MMADHC: variants seen among roughly 807,000 people sequenced by gnomAD.
MMADHC encodes metabolism of cobalamin associated D.
A neutral mutation model predicts 36.3 loss-of-function variants in MMADHC; 23 were observed. That is an observed-to-expected ratio of 0.63 (90% CI 0.46 to 0.90). The LOEUF is 0.90. Among genes scored for constraint, MMADHC ranks in the 40% least tolerant of loss-of-function variants. The pLI is 0.00. For missense variants in MMADHC, 330 were observed against 348.0 expected (o/e 0.95, Z 0.41); for synonymous variants, 97 against 116.1 (o/e 0.84, Z 1.06).
rs115128590 is a variant in MMADHC at position 149,580,085 on chromosome 2, C to T, written c.155-437G>A. Among the ~76,000 whole-genome samples, 562 of 152,206 alleles carry T rather than the reference C, an allele frequency of 3.7e-3. 2 individuals are homozygous for T. Among genetic ancestry groups the T allele is most frequent in the African/African-American group, 0.013 (524 of 41,544 alleles). On this transcript the variant is annotated intron_variant, in intron 3 of 7. Transcript: ENST00000303319. Reference sequence around the variant, plus strand: ...GTCTCTTGCAGTACAGTGGTGTGATCGCAGCTCACTGAAGCCTTGACCTCT... The same window carrying T: ...GTCTCTTGCAGTACAGTGGTGTGATTGCAGCTCACTGAAGCCTTGACCTCT...
chr2:149,583,617 A>G (rs1014770004), intron 2 of MMADHC, among the ~76,000 whole-genome samples: 5 of 152,178 alleles, frequency 3.3e-5, no homozygotes, highest in African/African-American at 1.2e-4. Context: ...AGGAGTAGAG[A>G]GGTGGTGTGA....
At chr2:149,586,884 G>C in intron 2 of MMADHC, 3 of 602,856 alleles carry the variant, frequency 5.0e-6, no homozygotes, top group Non-Finnish European at 8.8e-6. Flanking sequence ...AAATGAAATT[G>C]TATAAATAAG....
At chr2:149,580,689 G>A (rs1465479880) in intron 3 of MMADHC, among the ~76,000 whole-genome samples, 1 of 152,082 alleles carries the variant, frequency 6.6e-6, no homozygotes, top group Non-Finnish European at 1.5e-5. Flanking sequence ...TCTCATTCCT[G>A]GATCATGAGC....
At position 149,582,208 on chromosome 2, in the gene MMADHC, C is replaced by A. The variant is rs549522925; in HGVS notation, c.73G>T (p.Val25Phe). 9.2e-5 allele frequency: 148 copies of A among 1,613,898 alleles called. No individual in the cohort carries two copies. The highest frequency in any genetic ancestry group is 1.2e-4 in the Non-Finnish European group (144 of 1,179,854). ...GTCGAAAAGGCTTTGGGATTGACAA[C>A]CCTTTTAACTAAAGAGCAAAATCCT... is the stretch of plus-strand genomic sequence containing the variant. ...LPGFCSLVKR[V>F]VNPKAFSTAG... is the part of the protein sequence containing the mutation. The change falls in exon 3 of 8, where the codon GTT becomes TTT. Residue 25 changes from valine (V) to phenylalanine (F), a missense_variant. Val to Phe is a conservative substitution (Grantham distance 50, BLOSUM62 -1). Transcript: ENST00000303319.
At chr2:149,587,060 T>G (rs1390724040) in intron 2 of MMADHC, 29 bp downstream of exon 2, 1 of 1,610,410 alleles carries the variant, frequency 6.2e-7, no homozygotes, top group East Asian at 2.2e-5. Context: ...GAGTTTACTA[T>G]GCTGATTCTT....
chr2:149,581,170 C>T (rs1216599453), intron 3 of MMADHC, among the ~76,000 whole-genome samples: 1 of 152,106 alleles, frequency 6.6e-6, no homozygotes. Flanking sequence ...CTGTGAAAGG[C>T]CTATTCATGT....
intron 3 of MMADHC, 25 bp from the exon 4 acceptor site, chr2:149,579,673 A>G: frequency 5.1e-6 from 8 of 1,581,284 alleles, no homozygotes; most frequent in Middle Eastern, 3.4e-4. Context: ...CAAAAGGAAC[A>G]GTTTCTCCTT....
intron 2 of MMADHC, among the ~76,000 whole-genome samples, chr2:149,586,206 T>C (rs1362887219): frequency 6.6e-6 from 1 of 152,226 alleles, no homozygotes. Flanking sequence ...ATAATCACAA[T>C]TTAAAGAATG....
chr2:149,584,192 A>C (rs1425690697), intron 2 of MMADHC, among the ~76,000 whole-genome samples: 1 of 152,212 alleles, frequency 6.6e-6, no homozygotes, highest in African/African-American at 2.4e-5. Context: ...TCAGGATCTA[A>C]AGGAATCTAA....
chr2:149,587,357 C>T (rs1446592825), intron 1 of MMADHC: 8 of 562,430 alleles, frequency 1.4e-5, no homozygotes, highest in Non-Finnish European at 2.5e-5. Flanking sequence ...CAGAGCCCTT[C>T]CGGTTTACAG....
intron 4 of MMADHC, among the ~76,000 whole-genome samples, 163 bp from the exon 5 acceptor site, chr2:149,576,705 C>T (rs763040518): frequency 2.6e-5 from 4 of 152,144 alleles, no homozygotes; most frequent in Non-Finnish European, 5.9e-5. Context: ...TTTACTCAAA[C>T]TTTTCTCTAC....
Position 149,579,439 on chromosome 2 carries a change from C to T in MMADHC, c.364G>A (p.Glu122Lys), listed in dbSNP as rs777544556. 1.7e-5 allele frequency: 28 copies of T among 1,610,754 alleles called. No individual in the cohort carries two copies. Among genetic ancestry groups the T allele is most frequent in the Non-Finnish European group, 2.4e-5 (28 of 1,178,740 alleles). ...HEFVMAQYVN[E>K]FQGNDAPVEQ... ...TGTTACCAACAATTTACCTGAAATT[C>T]ATTCACATATTGTGCCATCACAAAC... The change falls in exon 4 of 8, where the codon GAA becomes AAA. Residue 122 changes from glutamate (E) to lysine (K), a missense_variant. Physicochemically the swap from Glu to Lys is moderately conservative, Grantham distance 56. Transcript: ENST00000303319.
intron 2 of MMADHC, chr2:149,586,739 GA>G (rs1165912324): frequency 7.3e-6 from 2 of 273,758 alleles, no homozygotes; most frequent in South Asian, 5.9e-5. Context: ...TTAAAAAAAA[GA>G]AAAAAAGATT....
At chr2:149,582,780 T>C (rs1282740025) in intron 2 of MMADHC, among the ~76,000 whole-genome samples, 1 of 152,208 alleles carries the variant, frequency 6.6e-6, no homozygotes, top group Admixed American at 6.5e-5. Flanking sequence ...CGTATCTTTG[T>C]GGTATATTTT....
Position 149,579,453 on chromosome 2 carries a change from G to A in MMADHC, c.350C>T (p.Ala117Val), listed in dbSNP as rs779439863. Residue 117 changes from alanine to valine, a missense_variant, in exon 4 of 8, where the codon GCA (alanine) becomes GTA (valine). Physicochemically the swap from Ala to Val is moderately conservative, Grantham distance 64 (BLOSUM62 0). Transcript: ENST00000303319. ...TACCTGAAATTCATTCACATATTGT[G>A]CCATCACAAACTCATGTCTTTCACT... ...LSSERHEFVMAQYVNEFQGND... is the reference protein window; with the variant it reads ...LSSERHEFVMVQYVNEFQGND... The A allele has an allele frequency of 6.2e-6, 10 of 1,611,668 alleles. No homozygotes were observed. In the African/African-American group the frequency reaches 1.1e-4, roughly 17 times the overall value.
intron 6 of MMADHC, 111 bp from the exon 7 acceptor site, chr2:149,571,282 A>G (rs1054868928): frequency 1.6e-6 from 1 of 616,260 alleles, no homozygotes; most frequent in Non-Finnish European, 2.6e-6. Flanking sequence ...CTCAAGATTA[A>G]TAAAAAAATA....
intron 3 of MMADHC, among the ~76,000 whole-genome samples, chr2:149,581,046 T>C (rs1022786853): frequency 6.6e-5 from 10 of 152,200 alleles, no homozygotes; most frequent in African/African-American, 2.2e-4. Flanking sequence ...AGATGGTTTT[T>C]AAAAGTCTAA....
At chr2:149,579,376 A>C (rs1682761690) in intron 4 of MMADHC, 55 bp downstream of exon 4, 30 of 1,361,064 alleles carry the variant, frequency 2.2e-5, no homozygotes, top group Non-Finnish European at 2.9e-5. Context: ...TATAATAATC[A>C]AGTCATATAG....
At chr2:149,580,653 T>C (rs1045397469) in intron 3 of MMADHC, among the ~76,000 whole-genome samples, 1 of 152,204 alleles carries the variant, frequency 6.6e-6, no homozygotes, top group African/African-American at 2.4e-5. Context: ...ACTAAGTAAC[T>C]GAGAATGGCC....
Sources: allele counts gnomAD v4.1 joint callset (sites outside exome capture counted in the v4.1 genomes callset), GRCh38; gene constraint gnomAD v4.1.1; transcripts MANE v1.5; gene names NCBI Gene and HGNC (gene_info 2026-07-23, HGNC 2026-07-21).